Variants in PDZRN3 observed in about 807,000 individuals in gnomAD.
The protein encoded by PDZRN3 is E3 ubiquitin-protein ligase PDZRN3.
A neutral mutation model predicts 85.7 loss-of-function variants in PDZRN3; 38 were observed. The observed-to-expected ratio is 0.44, with a 90% CI of 0.34 to 0.58. The LOEUF is 0.58. Among genes scored for constraint, PDZRN3 ranks in the 20% least tolerant of loss-of-function variants. The pLI is 0.01. For synonymous variants in PDZRN3, 759 were observed against 638.0 expected (o/e 1.19, Z -2.86); for missense variants, 1,629 against 1,506.4 (o/e 1.08, Z -1.35).
At chr3:73,595,205 A>G (rs80256566) in intron 3 of PDZRN3, among the ~76,000 whole-genome samples, 3,047 of 152,328 alleles carry the variant, frequency 0.02, 115 homozygotes, top group African/African-American at 0.07. Flanking sequence ...AAATCTGCTT[A>G]CTTTTGCAGC....
At chr3:73,600,365 T>TCTCA (rs1702499226) in intron 3 of PDZRN3, among the ~76,000 whole-genome samples, 1 of 150,480 alleles carries the variant, frequency 6.6e-6, no homozygotes, top group African/African-American at 2.4e-5. Context: ...TCTCTCTCTC[T>TCTCA]CAAAATAATC....
At chr3:73,497,106 TC>T (rs1703882167) in intron 3 of PDZRN3, among the ~76,000 whole-genome samples, 1 of 152,212 alleles carries the variant, frequency 6.6e-6, no homozygotes, top group African/African-American at 2.4e-5. Flanking sequence ...ACAGAGTATT[TC>T]GGTTTGGAGC....
intron 3 of PDZRN3, among the ~76,000 whole-genome samples, chr3:73,462,570 AT>A (rs1703130164): frequency 6.8e-6 from 1 of 148,104 alleles, no homozygotes; most frequent in African/African-American, 2.5e-5. Context: ...AAAGAACTTG[AT>A]TCCATTTGGG....
At chr3:73,541,133 TC>T (rs1173406792) in intron 3 of PDZRN3, among the ~76,000 whole-genome samples, 3 of 152,220 alleles carry the variant, frequency 2.0e-5, no homozygotes, top group African/African-American at 7.2e-5. Flanking sequence ...TTGCCTAACC[TC>T]CATTAAAATA....
intron 3 of PDZRN3, among the ~76,000 whole-genome samples, chr3:73,534,675 T>C (rs1343713551): frequency 6.6e-6 from 1 of 152,218 alleles, no homozygotes; most frequent in Non-Finnish European, 1.5e-5. Context: ...CAGTACTGCC[T>C]TTCTTAAGCT....
At chr3:73,486,386 C>G (rs1703661584) in intron 3 of PDZRN3, among the ~76,000 whole-genome samples, 1 of 71,900 alleles carries the variant, frequency 1.4e-5, no homozygotes, top group African/African-American at 5.7e-5. Flanking sequence ...TGGAGAAGAG[C>G]ATGAGGTGGA....
chr3:73,416,994 C>T (rs554539795), intron 3 of PDZRN3, among the ~76,000 whole-genome samples: 14 of 145,826 alleles, frequency 9.6e-5, no homozygotes, highest in African/African-American at 2.1e-4. Context: ...TGAGTTCAAG[C>T]GATTCTTATG....
In PDZRN3 at chr3:73,478,655, A is replaced by G. The variant is rs1489562059; in HGVS notation, c.919-74260T>C. Among the ~76,000 whole-genome samples, 7 of 152,310 alleles carry G rather than the reference A, an allele frequency of 4.6e-5. No individual in the cohort carries two copies. The East Asian group carries it at 1.3e-3, about 29-fold the overall frequency. Reference sequence around the variant, plus strand: ...AACTTCTGCCCCGCCCAGTCCGTGGAAAAACTGTCTTCCATGAAACTAGTC... The same window carrying G: ...AACTTCTGCCCCGCCCAGTCCGTGGGAAAACTGTCTTCCATGAAACTAGTC... On this transcript the variant is annotated intron_variant, in intron 3 of 9. Transcript: ENST00000263666.
intron 3 of PDZRN3, among the ~76,000 whole-genome samples, chr3:73,413,383 T>A (rs1354380227): frequency 6.6e-6 from 1 of 152,156 alleles, no homozygotes; most frequent in East Asian, 1.9e-4. Context: ...GGAGGAGCCA[T>A]TTCAAGGATA....
intron 3 of PDZRN3, among the ~76,000 whole-genome samples, chr3:73,483,998 G>T (rs1366968515): frequency 6.6e-6 from 1 of 152,128 alleles, no homozygotes; most frequent in Non-Finnish European, 1.5e-5. Flanking sequence ...TAAAAGAAAG[G>T]ACTGCAGGAA....
intron 1 of PDZRN3, among the ~76,000 whole-genome samples, chr3:73,609,286 G>A (rs1702648867): frequency 6.6e-6 from 1 of 152,098 alleles, no homozygotes; most frequent in Admixed American, 6.6e-5. Flanking sequence ...CACACGAGAC[G>A]CAGAGCTGTT....
intron 3 of PDZRN3, among the ~76,000 whole-genome samples, chr3:73,443,089 TG>T (rs1439635476): frequency 4.6e-5 from 7 of 152,310 alleles, no homozygotes; most frequent in Non-Finnish European, 1.0e-4. Context: ...ACCGGCCCAG[TG>T]GGTGTCAGTG....
chr3:73,608,420 A>C (rs1047019685), intron 2 of PDZRN3, among the ~76,000 whole-genome samples, 178 bp downstream of exon 2: 1 of 152,214 alleles, frequency 6.6e-6, no homozygotes, highest in South Asian at 2.1e-4. Context: ...CTGTTTTAGG[A>C]GACTACGCAA....
chr3:73,584,475 GTGTGTGTGTGTGTGTGTGTGTGTGTA>G (rs1296326647), intron 3 of PDZRN3, among the ~76,000 whole-genome samples: 5 of 107,880 alleles, frequency 4.6e-5, no homozygotes, highest in African/African-American at 1.3e-4. Flanking sequence ...GTGTGTGTGT[GTGTGTGTGTGTGTGTGTGTGTGTGTA>G]TGCATATGCG....
At chr3:73,407,842 A>G (rs1308807135) in intron 3 of PDZRN3, among the ~76,000 whole-genome samples, 1 of 152,198 alleles carries the variant, frequency 6.6e-6, no homozygotes, top group East Asian at 1.9e-4. Context: ...TACAAAAAGC[A>G]GGAAAGCTGT....
Position 73,384,763 on chromosome 3 carries a change from C to G in PDZRN3, c.1803G>C (p.Ala601=), listed in dbSNP as rs778163867. ...DDATASSNPL[A]GQRKLTCSQD... ...GGCTGCAGGTGAGCTTCCTCTGCCC[C>G]GCCAGCGGGTTGGAGGATGCGGTGG... The change falls in exon 10 of 10, where the codon GCG becomes GCC. Residue 601 remains alanine (A), a synonymous_variant. Coordinates refer to ENST00000263666, the MANE Select transcript of PDZRN3 (RefSeq NM_015009.3). 1.2e-6 allele frequency: 2 copies of G among 1,613,946 alleles called. No individual in the cohort carries two copies. Among genetic ancestry groups the G allele is most frequent in the Admixed American group, 1.7e-5 (1 of 60,032 alleles).
intron 6 of PDZRN3, 137 bp from the exon 7 acceptor site, chr3:73,390,015 G>T: frequency 1.4e-6 from 1 of 706,104 alleles, no homozygotes; most frequent in Non-Finnish European, 2.5e-6. Flanking sequence ...ACAAGACTTA[G>T]TGTCGTGCAA....
At chr3:73,514,204 A>C (rs1704217488) in intron 3 of PDZRN3, among the ~76,000 whole-genome samples, 1 of 152,192 alleles carries the variant, frequency 6.6e-6, no homozygotes, top group African/African-American at 2.4e-5. Context: ...TGGGTCTCTA[A>C]GGTAGGAGGT....
intron 3 of PDZRN3, among the ~76,000 whole-genome samples, chr3:73,558,068 A>C (rs1270097093): frequency 6.6e-6 from 1 of 152,034 alleles, no homozygotes; most frequent in African/African-American, 2.4e-5. Context: ...TTATATCTTT[A>C]ATATATGTTT....
Sources: gnomAD v4.1 joint callset for allele counts (sites outside exome capture counted in the v4.1 genomes callset) on GRCh38, gnomAD v4.1.1 for gene constraint, MANE v1.5 for transcripts, NCBI Gene and HGNC (gene_info 2026-07-23, HGNC 2026-07-21) for gene names.